The following UBE2E2 variants were observed in gnomAD, a reference collection of about 807,000 sequenced individuals.
The protein encoded by UBE2E2 is ubiquitin-conjugating enzyme E2 E2.
Under a neutral mutation model 24.7 loss-of-function variants are expected in UBE2E2, and 6 were observed. That is an observed-to-expected ratio of 0.24 (90% CI 0.13 to 0.48). UBE2E2 has a LOEUF of 0.48. Ranked by LOEUF, UBE2E2 falls within the 20% of genes least tolerant of loss-of-function variation. The probability of loss-of-function intolerance (pLI) is 0.99; values close to 1 mark genes in which losing one functional copy is unlikely to be tolerated. For missense variants in UBE2E2, 169 were observed against 245.0 expected (o/e 0.69, Z 2.07); for synonymous variants, 104 against 83.6 (o/e 1.24, Z -1.33).
intron 3 of UBE2E2, among the ~76,000 whole-genome samples, chr3:23,449,671 T>A (rs1698513769): frequency 6.6e-6 from 1 of 152,228 alleles, no homozygotes; most frequent in Non-Finnish European, 1.5e-5. Flanking sequence ...TGCAGGTGAT[T>A]TTTTCCTAGG....
chr3:23,227,761 G>A (rs1372038537), intron 3 of UBE2E2, among the ~76,000 whole-genome samples: 1 of 152,144 alleles, frequency 6.6e-6, no homozygotes, highest in Admixed American at 6.5e-5. Flanking sequence ...TGCAGAGTTG[G>A]GCTATGTGTA....
At chr3:23,421,094 T>A (rs1291944311) in intron 3 of UBE2E2, among the ~76,000 whole-genome samples, 1 of 152,246 alleles carries the variant, frequency 6.6e-6, no homozygotes, top group Non-Finnish European at 1.5e-5. Flanking sequence ...TTCTACTGTG[T>A]GCACTAGTAG....
intron 3 of UBE2E2, among the ~76,000 whole-genome samples, chr3:23,383,466 T>C (rs1237826065): frequency 7.9e-6 from 1 of 127,380 alleles, no homozygotes; most frequent in Non-Finnish European, 1.8e-5. Flanking sequence ...ATGAGCATTT[T>C]ATCCCCCTTT....
chr3:23,484,956 A>G (rs1699330724), intron 3 of UBE2E2, among the ~76,000 whole-genome samples: 1 of 152,204 alleles, frequency 6.6e-6, no homozygotes, highest in African/African-American at 2.4e-5. Context: ...GGGTGGGAAC[A>G]CAGTCAAGCC....
At chr3:23,397,272 T>C (rs975468273) in intron 3 of UBE2E2, among the ~76,000 whole-genome samples, 16 of 152,180 alleles carry the variant, frequency 1.1e-4, no homozygotes, top group African/African-American at 3.4e-4. Flanking sequence ...CTTACAGATA[T>C]GGGATGGCTA....
At chr3:23,293,261 T>C (rs1416455445) in intron 3 of UBE2E2, among the ~76,000 whole-genome samples, 1 of 152,214 alleles carries the variant, frequency 6.6e-6, no homozygotes, top group East Asian at 1.9e-4. Flanking sequence ...TTTCAGTCTT[T>C]CTGTGTTTGG....
At chr3:23,372,586 C>T (rs1696425222) in intron 3 of UBE2E2, among the ~76,000 whole-genome samples, 1 of 152,078 alleles carries the variant, frequency 6.6e-6, no homozygotes, top group African/African-American at 2.4e-5. Flanking sequence ...TGTGCATGCA[C>T]CATGGGGTCT....
At chr3:23,263,171 C>T (rs1388739810) in intron 3 of UBE2E2, among the ~76,000 whole-genome samples, 1 of 152,190 alleles carries the variant, frequency 6.6e-6, no homozygotes, top group African/African-American at 2.4e-5. Flanking sequence ...ACACTGACTA[C>T]TTGAGCCATT....
At chr3:23,495,310 C>T (rs930946543) in intron 3 of UBE2E2, among the ~76,000 whole-genome samples, 2 of 152,168 alleles carry the variant, frequency 1.3e-5, no homozygotes, top group African/African-American at 2.4e-5. Flanking sequence ...TATCTGCAGA[C>T]ATTGCCCTTC....
chr3:23,488,202 T>C (rs961005649), intron 3 of UBE2E2, among the ~76,000 whole-genome samples: 1 of 75,078 alleles, frequency 1.3e-5, no homozygotes, highest in Admixed American at 1.2e-4. Flanking sequence ...TTACATTTCT[T>C]TTTTTTTTTT....
chr3:23,265,724 C>A (rs1698029504), intron 3 of UBE2E2, among the ~76,000 whole-genome samples: 1 of 152,138 alleles, frequency 6.6e-6, no homozygotes, highest in Non-Finnish European at 1.5e-5. Flanking sequence ...ACTTGGAGGT[C>A]TGTCTAATGT....
chr3:23,317,857 T>G (rs1472330090), intron 3 of UBE2E2, among the ~76,000 whole-genome samples: 1 of 151,966 alleles, frequency 6.6e-6, no homozygotes, highest in African/African-American at 2.4e-5. Context: ...AGACCCTCTT[T>G]CTTACCCTTT....
At chr3:23,451,832 A>G (rs562961286) in intron 3 of UBE2E2, among the ~76,000 whole-genome samples, 1 of 152,276 alleles carries the variant, frequency 6.6e-6, no homozygotes, top group East Asian at 1.9e-4. Flanking sequence ...CTTCCCTAAG[A>G]TAGTGGCCAA....
At chr3:23,580,956 G>C (rs577769178) in intron 5 of UBE2E2, among the ~76,000 whole-genome samples, 1 of 152,128 alleles carries the variant, frequency 6.6e-6, no homozygotes, top group Non-Finnish European at 1.5e-5. Flanking sequence ...GTAATGTCAC[G>C]TAACTTCCTA....
chr3:23,463,591 G>A (rs916660546), intron 3 of UBE2E2, among the ~76,000 whole-genome samples: 2 of 152,054 alleles, frequency 1.3e-5, no homozygotes, highest in African/African-American at 2.4e-5. Flanking sequence ...TGGAAATCTT[G>A]CAAAGAGGGC....
intron 4 of UBE2E2, among the ~76,000 whole-genome samples, chr3:23,500,897 AG>A (rs1302559932): frequency 6.6e-6 from 1 of 152,234 alleles, no homozygotes; most frequent in Non-Finnish European, 1.5e-5. Context: ...CTGGCTCCAA[AG>A]CCCATACTTC....
intron 5 of UBE2E2, among the ~76,000 whole-genome samples, chr3:23,563,354 T>A (rs1187796238): frequency 1.3e-5 from 2 of 152,232 alleles, no homozygotes; most frequent in Non-Finnish European, 2.9e-5. Context: ...GAGCGGGTTG[T>A]TCAGTTTCCA....
chr3:23,250,779 G>T (rs533103029), intron 3 of UBE2E2, among the ~76,000 whole-genome samples: 3 of 152,314 alleles, frequency 2.0e-5, no homozygotes, highest in African/African-American at 7.2e-5. Context: ...AAAGCTTGGA[G>T]TTATATGTCA....
chr3:23,336,098 A>G lies in UBE2E2; in HGVS notation c.227+118786A>G, dbSNP rs543155887. On this transcript the variant is annotated intron_variant, in intron 3 of 5. Coordinates refer to ENST00000396703, the MANE Select transcript of UBE2E2 (RefSeq NM_152653.4). ...ATTTTCACTTACTAGTAAAAGTGAA[A>G]GAGGAACATTGTTTTAACATTTTAA... 2.0e-5 allele frequency among the ~76,000 whole-genome samples: 3 copies of G among 152,328 alleles called. 1 individual carries two copies. The highest frequency in any genetic ancestry group is 7.2e-5 in the African/African-American group (3 of 41,570).
Sources: allele counts gnomAD v4.1 joint callset (sites outside exome capture counted in the v4.1 genomes callset), GRCh38; gene constraint gnomAD v4.1.1; transcripts MANE v1.5; gene names NCBI Gene and HGNC (gene_info 2026-07-23, HGNC 2026-07-21).